The following PLCG2 variants were observed in gnomAD, a reference collection of about 807,000 sequenced individuals.
The protein encoded by PLCG2 is 1-phosphatidylinositol 4,5-bisphosphate phosphodiesterase gamma-2.
A neutral mutation model predicts 175.6 loss-of-function variants in PLCG2; 69 were observed. The ratio of observed to expected loss-of-function variants is 0.39; its 90% CI spans 0.32 to 0.48. The LOEUF (loss-of-function observed/expected upper bound fraction) is 0.48. Among genes scored for constraint, PLCG2 ranks in the 20% least tolerant of loss-of-function variants. The pLI, the probability that PLCG2 is intolerant of heterozygous loss-of-function variation, is 0.91. For missense variants in PLCG2, 1,798 were observed against 1,650.9 expected (o/e 1.09, Z -1.54); for synonymous variants, 827 against 624.0 (o/e 1.33, Z -4.85).
chr16:81,928,554 A>T lies in PLCG2; in HGVS notation c.2515-4A>T. ...AACGTGAGTTATGTCTTGTTTCTTCACAGATTATTGAAGACAATCCCTTAG... is the reference window on the plus strand; with the variant it reads ...AACGTGAGTTATGTCTTGTTTCTTCTCAGATTATTGAAGACAATCCCTTAG... On this transcript the variant is annotated splice_region_variant and splice_polypyrimidine_tract_variant and intron_variant, in intron 23 of 32. Transcript: ENST00000564138. 1 of 1,592,312 alleles carries T rather than the reference A, an allele frequency of 6.3e-7. No individual in the cohort carries two copies. The highest frequency in any genetic ancestry group is 8.6e-7 in the Non-Finnish European group (1 of 1,160,114).
chr16:81,929,077 G>A (rs1193299270), intron 24 of PLCG2, among the ~76,000 whole-genome samples: 3 of 152,218 alleles, frequency 2.0e-5, no homozygotes, highest in Non-Finnish European at 1.5e-5. Context: ...CTGGTTGCTC[G>A]GCTGGGGCCC....
At chr16:81,896,418 ACACAC>A (rs1567521546) in intron 13 of PLCG2, among the ~76,000 whole-genome samples, 1 of 92,050 alleles carries the variant, frequency 1.1e-5, no homozygotes, top group Non-Finnish European at 2.2e-5. Context: ...ACACACACAC[ACACAC>A]ACAAATCATC....
At chr16:81,790,153 G>A (rs1189663711) in intron 2 of PLCG2, among the ~76,000 whole-genome samples, 3 of 152,164 alleles carry the variant, frequency 2.0e-5, no homozygotes, top group Non-Finnish European at 2.9e-5. Context: ...GGAGAGGCTC[G>A]GCTGAATTCA....
At chr16:81,920,514 G>A (rs531096223) in intron 20 of PLCG2, among the ~76,000 whole-genome samples, 1 of 152,208 alleles carries the variant, frequency 6.6e-6, no homozygotes, top group Non-Finnish European at 1.5e-5. Flanking sequence ...CTGTGGGAGT[G>A]GAGATCAGAG....
chr16:81,936,184 G>A lies in PLCG2; in HGVS notation c.2858G>A (p.Arg953Gln), dbSNP rs763152440. 1.2e-5 allele frequency: 20 copies of A among 1,613,882 alleles called. No homozygotes were observed. Among genetic ancestry groups the A allele is most frequent in the Middle Eastern group, 1.6e-4 (1 of 6,084 alleles). Reference protein sequence around the residue: ...TKDNLENPDFREIRSFVETKA... With the variant: ...TKDNLENPDFQEIRSFVETKA... ...CTGTGTGCAGAAAATCCTGACTTCC[G>A]AGAAATCCGCTCCTTTGTGGAGACG... Residue 953 changes from arginine (R) to glutamine (Q), a missense_variant, in exon 27 of 33, where the codon CGA (arginine) becomes CAA (glutamine). Coordinates refer to ENST00000564138, the MANE Select transcript of PLCG2 (RefSeq NM_002661.5).
At chr16:81,886,188 C>G (rs1250306293) in intron 9 of PLCG2, among the ~76,000 whole-genome samples, 1 of 152,190 alleles carries the variant, frequency 6.6e-6, no homozygotes, top group Non-Finnish European at 1.5e-5. Flanking sequence ...TTTACCCCAC[C>G]TAGTGGTGGT....
intron 28 of PLCG2, 155 bp from the exon 29 acceptor site, chr16:81,938,646 C>G (rs906907509): frequency 1.7e-6 from 1 of 604,150 alleles, no homozygotes; most frequent in Non-Finnish European, 2.9e-6. Flanking sequence ...CCTTCATCCA[C>G]TGCAGAAGGT....
At chr16:81,830,191 G>A (rs547450845) in intron 2 of PLCG2, among the ~76,000 whole-genome samples, 2 of 151,986 alleles carry the variant, frequency 1.3e-5, no homozygotes, top group African/African-American at 2.4e-5. Context: ...ATGTTGGCAC[G>A]CATCTGTGGT....
At chr16:81,749,818 G>C (rs537206350) in intron 1 of PLCG2, among the ~76,000 whole-genome samples, 1 of 152,258 alleles carries the variant, frequency 6.6e-6, no homozygotes, top group Non-Finnish European at 1.5e-5. Flanking sequence ...CACTGTTCAA[G>C]GATACATGTC....
At chr16:81,908,725 T>G in intron 17 of PLCG2, 134 bp downstream of exon 17, 1 of 736,074 alleles carries the variant, frequency 1.4e-6, no homozygotes, top group Non-Finnish European at 2.2e-6. Context: ...TGTCTAGCTC[T>G]TCTAGGCCGG....
In PLCG2 at chr16:81,869,203, C is replaced by A; in HGVS notation, c.480-11C>A. On this transcript the variant is annotated splice_polypyrimidine_tract_variant and intron_variant, in intron 5 of 32. Coordinates refer to ENST00000564138, the MANE Select transcript of PLCG2 (RefSeq NM_002661.5). ...CTCAAGGTGACAGAACTGGGTCTCC[C>A]TCTTTTGCAGCATCAGTCTCCGAGA... is the stretch of plus-strand genomic sequence containing the variant. 6.2e-7 allele frequency: 1 copy of A among 1,611,510 alleles called. No individual in the cohort carries two copies. Among genetic ancestry groups the A allele is most frequent in the Non-Finnish European group, 8.5e-7 (1 of 1,177,596 alleles).
chr16:81,794,455 C>T (rs375116208), intron 2 of PLCG2, among the ~76,000 whole-genome samples: 6 of 152,224 alleles, frequency 3.9e-5, no homozygotes, highest in South Asian at 4.1e-4. Flanking sequence ...AGAAATAAGA[C>T]GCAACCAATG....
At chr16:81,915,410 G>T (rs1340422628) in intron 19 of PLCG2, among the ~76,000 whole-genome samples, 1 of 152,238 alleles carries the variant, frequency 6.6e-6, no homozygotes, top group Non-Finnish European at 1.5e-5. Flanking sequence ...GCTGTGATTG[G>T]TGGAAGGCAT....
intron 1 of PLCG2, among the ~76,000 whole-genome samples, chr16:81,743,297 G>A (rs1466919514): frequency 6.6e-6 from 1 of 152,216 alleles, no homozygotes; most frequent in African/African-American, 2.4e-5. Flanking sequence ...GCTGCAGTGA[G>A]CCACAGTAGC....
intron 22 of PLCG2, among the ~76,000 whole-genome samples, chr16:81,924,046 C>T (rs1021016460): frequency 6.6e-6 from 1 of 152,212 alleles, no homozygotes; most frequent in Non-Finnish European, 1.5e-5. Flanking sequence ...GTGTTATTTC[C>T]AATTCAAATT....
At chr16:81,833,180 C>T (rs2143393569) in intron 2 of PLCG2, among the ~76,000 whole-genome samples, 1 of 152,272 alleles carries the variant, frequency 6.6e-6, no homozygotes, top group South Asian at 2.1e-4. Flanking sequence ...CATGAGGATA[C>T]CACGTTTGGG....
chr16:81,824,062 TCC>T, intron 2 of PLCG2, among the ~76,000 whole-genome samples: 1 of 95,808 alleles, frequency 1.0e-5, no homozygotes, highest in Admixed American at 1.1e-4. Context: ...TCCTGTCCTG[TCC>T]TGTCCTGTCC....
chr16:81,816,925 C>G (rs1369572235), intron 2 of PLCG2, among the ~76,000 whole-genome samples: 1 of 152,150 alleles, frequency 6.6e-6, no homozygotes, highest in Non-Finnish European at 1.5e-5. Flanking sequence ...CTGCCTCTTT[C>G]TAGCTGGTCT....
At chr16:81,772,372 C>T (rs1460806989) in intron 2 of PLCG2, among the ~76,000 whole-genome samples, 1 of 152,144 alleles carries the variant, frequency 6.6e-6, no homozygotes, top group East Asian at 1.9e-4. Context: ...TGGCACCTTG[C>T]ATTCAGACTT....
Sources: gnomAD v4.1 joint callset for allele counts (sites outside exome capture counted in the v4.1 genomes callset) on GRCh38, gnomAD v4.1.1 for gene constraint, MANE v1.5 for transcripts, NCBI Gene and HGNC (gene_info 2026-07-23, HGNC 2026-07-21) for gene names.